Variants in SEC22C observed in about 807,000 individuals in gnomAD.
SEC22C encodes the protein vesicle-trafficking protein SEC22c.
A neutral mutation model predicts 34.7 loss-of-function variants in SEC22C; 29 were observed. That is an observed-to-expected ratio of 0.84 (90% CI 0.62 to 1.14). SEC22C has a LOEUF of 1.14. Ranked by LOEUF, SEC22C falls within the 50% of genes most tolerant of loss-of-function variation. The pLI, the probability that SEC22C is intolerant of heterozygous loss-of-function variation, is 0.00. For missense variants in SEC22C, 337 were observed against 369.0 expected (o/e 0.91, Z 0.71); for synonymous variants, 117 against 132.8 (o/e 0.88, Z 0.82).
chr3:42,592,518 G>GA (rs1290285891), intron 1 of SEC22C, among the ~76,000 whole-genome samples: 1 of 152,050 alleles, frequency 6.6e-6, no homozygotes, highest in East Asian at 1.9e-4. Context: ...ATTTCTTATA[G>GA]AAAAATATAT....
At position 42,552,266 on chromosome 3, in the gene SEC22C, A is replaced by G. The variant is rs1327812980; in HGVS notation, c.*982T>C. The G allele has an allele frequency of 3.0e-6, 3 of 985,336 alleles. No homozygotes were observed. Among genetic ancestry groups the G allele is most frequent in the Non-Finnish European group, 3.6e-6 (3 of 829,950 alleles). The allele number at this position is 985,336 out of a possible 1,614,324, so 61.0% of individuals were successfully genotyped here. On this transcript the variant is annotated 3_prime_UTR_variant, in exon 7 of 7. Transcript: ENST00000264454. ...TGACTGGGAAAGGTGCAGAGGAGTAATTAATTTTGGAGGCGCTCTGGGAAC... is the reference window on the plus strand; with the variant it reads ...TGACTGGGAAAGGTGCAGAGGAGTAGTTAATTTTGGAGGCGCTCTGGGAAC...
intron 2 of SEC22C, among the ~76,000 whole-genome samples, chr3:42,564,978 G>A (rs1375793574): frequency 3.3e-5 from 5 of 152,100 alleles, no homozygotes; most frequent in Middle Eastern, 3.4e-3. Context: ...GGCTGGTCTC[G>A]AACCACTGGG....
chr3:42,560,187 A>G lies in SEC22C; in HGVS notation c.526+930T>C, dbSNP rs986004250. Among the ~76,000 whole-genome samples, 3 of 145,696 alleles carry G rather than the reference A, an allele frequency of 2.1e-5. No individual in the cohort carries two copies. The East Asian group carries it at 6.0e-4, about 29-fold the overall frequency. ...TATATATATTTTATATATAATATAT[A>G]TATTATATATATAATATATATAATA... On this transcript the variant is annotated intron_variant, in intron 4 of 6. Coordinates refer to ENST00000264454, the MANE Select transcript of SEC22C (RefSeq NM_032970.4).
chr3:42,573,655 G>A (rs1033276841), intron 1 of SEC22C: 1 of 152,186 alleles, frequency 6.6e-6, no homozygotes, highest in Non-Finnish European at 1.5e-5. Flanking sequence ...GCAACATAAT[G>A]AGACCCCCAT....
At chr3:42,591,473 G>A in intron 1 of SEC22C, 2 of 1,391,748 alleles carry the variant, frequency 1.4e-6, no homozygotes, top group Non-Finnish European at 2.0e-6. Flanking sequence ...GGTTACAGGC[G>A]TGAGCCACTG....
At chr3:42,559,550 G>A (rs1702746529) in intron 4 of SEC22C, among the ~76,000 whole-genome samples, 1 of 152,178 alleles carries the variant, frequency 6.6e-6, no homozygotes, top group African/African-American at 2.4e-5. Context: ...GCCAATCCAA[G>A]TATTGGTTGA....
At chr3:42,587,798 T>C (rs1047982071) in intron 1 of SEC22C, among the ~76,000 whole-genome samples, 2 of 150,706 alleles carry the variant, frequency 1.3e-5, no homozygotes, top group Non-Finnish European at 3.0e-5. Flanking sequence ...TAGGCCAGGC[T>C]CTGTGGCTCA....
chr3:42,560,221 T>C (rs1052720682), intron 4 of SEC22C, among the ~76,000 whole-genome samples: 1 of 146,548 alleles, frequency 6.8e-6, no homozygotes, highest in South Asian at 2.1e-4. Context: ...TACCAATCTA[T>C]ACAGTTCAAT....
chr3:42,592,006 T>C (rs617722), intron 1 of SEC22C, among the ~76,000 whole-genome samples: 67,568 of 151,886 alleles, frequency 0.44, 17,378 homozygotes, highest in African/African-American at 0.7. Flanking sequence ...CTGCTAAGCT[T>C]CCTCTCATTT....
intron 1 of SEC22C, chr3:42,590,868 T>G (rs748904580): frequency 1.9e-6 from 3 of 1,609,238 alleles, no homozygotes; most frequent in African/African-American, 1.3e-5. Flanking sequence ...TCGAGTTGCT[T>G]GGCGGTCGTG....
At chr3:42,590,807 A>T in intron 1 of SEC22C, 1 of 1,299,448 alleles carries the variant, frequency 7.7e-7, no homozygotes. Flanking sequence ...CCCGCCCTGT[A>T]GGCGGGAGCA....
At chr3:42,591,996 C>T (rs1448914210) in intron 1 of SEC22C, among the ~76,000 whole-genome samples, 1 of 152,168 alleles carries the variant, frequency 6.6e-6, no homozygotes, top group Non-Finnish European at 1.5e-5. Flanking sequence ...GGCCATTTGA[C>T]TGCTAAGCTT....
chr3:42,583,263 G>T (rs1704494074), upstream of SEC22C, among the ~76,000 whole-genome samples: 2 of 152,198 alleles, frequency 1.3e-5, no homozygotes, highest in African/African-American at 4.8e-5. Context: ...AGTCATCTGG[G>T]CAAGAGAGAA....
intron 1 of SEC22C, among the ~76,000 whole-genome samples, chr3:42,577,499 A>C (rs1033883210): frequency 6.6e-6 from 1 of 152,222 alleles, no homozygotes; most frequent in Non-Finnish European, 1.5e-5. Context: ...TGGATGGCAA[A>C]TCAGAGCATG....
chr3:42,594,289 A>G (rs1704961949), intron 1 of SEC22C: 1 of 656,620 alleles, frequency 1.5e-6, no homozygotes. Flanking sequence ...ATGTTAAACA[A>G]GAAGGTTGAT....
chr3:42,565,762 T>C (rs536493967), intron 2 of SEC22C: 1 of 406,764 alleles, frequency 2.5e-6, no homozygotes, highest in South Asian at 1.8e-5. Flanking sequence ...AGAGGGAACA[T>C]GGCCCTGCGA....
chr3:42,581,386 G>C (rs1704334107), intron 1 of SEC22C: 1 of 152,242 alleles, frequency 6.6e-6, no homozygotes, highest in Non-Finnish European at 1.5e-5. Flanking sequence ...CACAAAACCT[G>C]TAATGGAACG....
chr3:42,579,531 G>C (rs80099118), intron 1 of SEC22C: 5,427 of 150,930 alleles, frequency 0.036, 160 homozygotes, highest in East Asian at 0.12. Flanking sequence ...GAGCTCAGGA[G>C]GTCAAGGCTG....
chr3:42,585,283 T>C (rs1202832567), upstream of SEC22C, among the ~76,000 whole-genome samples: 4 of 152,288 alleles, frequency 2.6e-5, no homozygotes, highest in African/African-American at 7.2e-5. Context: ...ACAACAGGGG[T>C]GAGATGTAGT....
Sources: gnomAD v4.1 joint callset for allele counts (sites outside exome capture counted in the v4.1 genomes callset) on GRCh38, gnomAD v4.1.1 for gene constraint, MANE v1.5 for transcripts, NCBI Gene and HGNC (gene_info 2026-07-23, HGNC 2026-07-21) for gene names.